Variants in MPP7 observed in about 807,000 individuals in gnomAD.
The protein encoded by MPP7 is MAGUK p55 scaffold protein 7, also known as MAGUK p55 subfamily member 7.
MPP7 carries 60 observed loss-of-function variants against 76.5 expected under a neutral mutation model. That is an observed-to-expected ratio of 0.78 (90% CI 0.64 to 0.97). The LOEUF is 0.97. MPP7 is among the 50% of genes least tolerant of loss of function. The pLI is 0.00. For missense variants in MPP7, 641 were observed against 694.0 expected, an observed-to-expected ratio of 0.92 and a Z score of 0.86; for synonymous variants, 237 against 244.5, an observed-to-expected ratio of 0.97 and a Z score of 0.29.
chr10:28,129,899 CAGCCGATGCA>C (rs1835138783), intron 6 of MPP7, among the ~76,000 whole-genome samples: 1 of 152,162 alleles, frequency 6.6e-6, no homozygotes, highest in South Asian at 2.1e-4. Flanking sequence ...AGCAAGAGGA[CAGCCGATGCA>C]AGTAACACTG....
chr10:28,156,007 TTTAACTGTTA>T (rs1836049881), intron 3 of MPP7, among the ~76,000 whole-genome samples: 1 of 152,190 alleles, frequency 6.6e-6, no homozygotes, highest in South Asian at 2.1e-4. Flanking sequence ...ACGTTAGAGA[TTTAACTGTTA>T]TCTCCATAGA....
chr10:28,231,389 A>T (rs929333668), intron 2 of MPP7, among the ~76,000 whole-genome samples: 1 of 151,996 alleles, frequency 6.6e-6, no homozygotes, highest in African/African-American at 2.4e-5. Context: ...TCTAGAAATT[A>T]GAAAAAGAAC....
intron 13 of MPP7, among the ~76,000 whole-genome samples, chr10:28,068,974 T>C (rs1022502731): frequency 4.6e-5 from 7 of 152,194 alleles, no homozygotes; most frequent in Non-Finnish European, 4.4e-5. Context: ...ATTTTTGCCT[T>C]GGTTTCCTCC....
At chr10:28,148,714 C>A (rs1464525255) in intron 4 of MPP7, among the ~76,000 whole-genome samples, 4 of 152,100 alleles carry the variant, frequency 2.6e-5, no homozygotes. Flanking sequence ...TATATTTTAA[C>A]ATTTAAATAT....
intron 11 of MPP7, among the ~76,000 whole-genome samples, chr10:28,109,875 A>C (rs1412689252): frequency 1.5e-5 from 2 of 130,412 alleles, no homozygotes; most frequent in East Asian, 2.3e-4. Context: ...AAAAAAAAAC[A>C]CTTAAAACAA....
chr10:28,242,238 A>G (rs1233300041), intron 1 of MPP7, among the ~76,000 whole-genome samples: 1 of 152,248 alleles, frequency 6.6e-6, no homozygotes, highest in Non-Finnish European at 1.5e-5. Context: ...TCATTTCAGA[A>G]GAATAAGTGT....
At chr10:28,121,781 G>A (rs1308946673) in intron 8 of MPP7, among the ~76,000 whole-genome samples, 1 of 151,346 alleles carries the variant, frequency 6.6e-6, no homozygotes, top group Non-Finnish European at 1.5e-5. Context: ...CACTATCTGT[G>A]GTGCACTGGT....
At chr10:28,157,823 A>T (rs2133809590) in intron 3 of MPP7, among the ~76,000 whole-genome samples, 1 of 152,254 alleles carries the variant, frequency 6.6e-6, no homozygotes, top group South Asian at 2.1e-4. Flanking sequence ...GCTTTTCCCA[A>T]CAGTCTTACC....
At chr10:28,103,100 C>T (rs552082914) in intron 11 of MPP7, among the ~76,000 whole-genome samples, 4 of 151,954 alleles carry the variant, frequency 2.6e-5, no homozygotes, top group South Asian at 4.2e-4. Flanking sequence ...GTGCACAATG[C>T]GTCCTGTCTC....
intron 2 of MPP7, among the ~76,000 whole-genome samples, chr10:28,218,359 G>GCACTTGGCAAGCTGTGATCCTGCA (rs1420835078): frequency 2.0e-5 from 3 of 152,154 alleles, no homozygotes; most frequent in Non-Finnish European, 2.9e-5. Context: ...AACCATTTAT[G>GCACTTGGCAAGCTGTGATCCTGCA]CACTTGGCAA....
At chr10:28,281,593 T>G (rs971949605) in intron 1 of MPP7, among the ~76,000 whole-genome samples, 1 of 152,098 alleles carries the variant, frequency 6.6e-6, no homozygotes, top group African/African-American at 2.4e-5. Context: ...ACAGCTTTTT[T>G]AGGGTATTTA....
At chr10:28,259,545 C>G (rs1160478872) in intron 1 of MPP7, among the ~76,000 whole-genome samples, 1 of 151,092 alleles carries the variant, frequency 6.6e-6, no homozygotes, top group East Asian at 1.9e-4. Context: ...CGAGATTGCA[C>G]CACTGCACTC....
chr10:28,227,169 T>C (rs1254814702), intron 2 of MPP7, among the ~76,000 whole-genome samples: 1 of 152,190 alleles, frequency 6.6e-6, no homozygotes, highest in Non-Finnish European at 1.5e-5. Context: ...TGATTCAGTG[T>C]TAAAGAATAC....
intron 11 of MPP7, among the ~76,000 whole-genome samples, 156 bp from the exon 12 acceptor site, chr10:28,089,997 G>T (rs557138410): frequency 6.6e-6 from 1 of 152,010 alleles, no homozygotes; most frequent in Admixed American, 6.6e-5. Flanking sequence ...GTCTCACTCT[G>T]TTGCCCAACC....
intron 2 of MPP7, among the ~76,000 whole-genome samples, chr10:28,205,066 T>C (rs1161333519): frequency 6.6e-6 from 1 of 152,156 alleles, no homozygotes; most frequent in Non-Finnish European, 1.5e-5. Context: ...CTAACTAATA[T>C]CCCACCACAG....
At chr10:28,079,306 C>T (rs553507259) in intron 12 of MPP7, among the ~76,000 whole-genome samples, 1 of 151,918 alleles carries the variant, frequency 6.6e-6, no homozygotes, top group Non-Finnish European at 1.5e-5. Context: ...ACATGGTCTC[C>T]CCAAATAATC....
At chr10:28,303,577 G>A (rs1841217926), upstream of MPP7, 1 of 152,034 alleles carries the variant, frequency 6.6e-6, no homozygotes, top group Non-Finnish European at 1.5e-5. Context: ...AAGACATAAG[G>A]TGTTTTCACC....
chr10:28,239,008 G>A (rs1472158529), intron 1 of MPP7, among the ~76,000 whole-genome samples: 2 of 152,026 alleles, frequency 1.3e-5, no homozygotes, highest in Non-Finnish European at 2.9e-5. Context: ...TTGGATACGT[G>A]GATAATTTTA....
chr10:28,096,220 G>A (rs1442215941), intron 11 of MPP7, among the ~76,000 whole-genome samples: 2 of 152,150 alleles, frequency 1.3e-5, no homozygotes, highest in African/African-American at 4.8e-5. Context: ...CTAGAAACTA[G>A]ACAGATCCTG....
Sources: allele counts gnomAD v4.1 joint callset (sites outside exome capture counted in the v4.1 genomes callset), GRCh38; gene constraint gnomAD v4.1.1; transcripts MANE v1.5; gene names NCBI Gene and HGNC (gene_info 2026-07-23, HGNC 2026-07-21).